CSMD3: variants seen among roughly 807,000 people sequenced by gnomAD.
CSMD3 encodes CUB and Sushi multiple domains 3.
Under a neutral mutation model 435.2 loss-of-function variants are expected in CSMD3, and 177 were observed. That is an observed-to-expected ratio of 0.41 (90% confidence interval 0.36 to 0.46). The LOEUF (loss-of-function observed/expected upper bound fraction) is 0.46, where lower values mean the gene tolerates loss of function less well. Ranked by LOEUF, CSMD3 falls within the 20% of genes least tolerant of loss-of-function variation. The pLI, the probability that CSMD3 is intolerant of heterozygous loss-of-function variation, is 0.34. For synonymous variants in CSMD3, 1,656 were observed against 1,520.5 expected (o/e 1.09, Z -2.07); for missense variants, 4,265 against 4,504.6 (o/e 0.95, Z 1.52).
intron 1 of CSMD3, among the ~76,000 whole-genome samples, chr8:113,339,086 C>G (rs1235101476): frequency 1.3e-5 from 2 of 151,904 alleles, no homozygotes; most frequent in Non-Finnish European, 2.9e-5. Context: ...TATTATGCCT[C>G]AGATTCTTTA....
chr8:112,673,321 C>T (rs2075699857), intron 16 of CSMD3, among the ~76,000 whole-genome samples: 1 of 151,478 alleles, frequency 6.6e-6, no homozygotes, highest in Non-Finnish European at 1.5e-5. Context: ...AAGACAGAAA[C>T]ATGGTAATTA....
rs1586859411 is a variant in CSMD3, at chr8:112,355,502, G to T, written c.6137-2968C>A. Among the ~76,000 whole-genome samples, 4 of 152,196 alleles carry T rather than the reference G, an allele frequency of 2.6e-5. No individual in the cohort carries two copies. The East Asian group carries it at 7.7e-4, about 29-fold the overall frequency. ...AGCTCTAATATCCAGAATGTATAAG[G>T]AACTTAAGTCAACAAGCAAAACACA... On this transcript the variant is annotated intron_variant, in intron 38 of 70. Coordinates refer to ENST00000297405, the MANE Select transcript of CSMD3 (RefSeq NM_198123.2).
At chr8:113,167,944 G>A (rs1032420322) in intron 4 of CSMD3, among the ~76,000 whole-genome samples, 1 of 152,252 alleles carries the variant, frequency 6.6e-6, no homozygotes, top group African/African-American at 2.4e-5. Flanking sequence ...CAAAGTCTGT[G>A]CTAAAACATT....
rs975670708 is a variant in CSMD3, at chr8:112,224,412, CT to C, written c.*358del. 1.1e-3 allele frequency: 332 copies of C among 302,306 alleles called. No homozygotes were observed. Among genetic ancestry groups the C allele is most frequent in the South Asian group, 2.1e-3 (64 of 30,782 alleles). The allele number at this position is 302,306 out of a possible 1,614,324, so 18.7% of individuals were successfully genotyped here. ...TATAGCTCTTATTTCTACCCTATAT[CT>C]TTTTTTTTAAACCCAGTCCCTCTAA... On this transcript the variant is annotated 3_prime_UTR_variant, in exon 71 of 71. Transcript: ENST00000297405.
chr8:112,320,967 A>C (rs972507013), intron 45 of CSMD3, among the ~76,000 whole-genome samples: 1 of 152,112 alleles, frequency 6.6e-6, no homozygotes, highest in Non-Finnish European at 1.5e-5. Context: ...CATTTGGCAT[A>C]ATTGAAAGGC....
chr8:113,256,723 T>C (rs2093383814), intron 3 of CSMD3, among the ~76,000 whole-genome samples: 1 of 152,150 alleles, frequency 6.6e-6, no homozygotes, highest in African/African-American at 2.4e-5. Flanking sequence ...CAATTACAAC[T>C]TTTACTGAAG....
intron 13 of CSMD3, among the ~76,000 whole-genome samples, chr8:112,717,773 G>T (rs2076766147): frequency 6.6e-6 from 1 of 152,146 alleles, no homozygotes; most frequent in South Asian, 2.1e-4. Context: ...GCACATGGAT[G>T]AAGCTGGAAA....
chr8:113,177,312 A>C lies in CSMD3; in HGVS notation c.515-3396T>G, dbSNP rs1588210986. 4.0e-5 allele frequency among the ~76,000 whole-genome samples: 6 copies of C among 151,802 alleles called. No homozygotes were observed. In the Middle Eastern group the frequency reaches 0.017, roughly 436 times the overall value. On this transcript the variant is annotated intron_variant, in intron 3 of 70. Coordinates refer to ENST00000297405, the MANE Select transcript of CSMD3 (RefSeq NM_198123.2). The stretch of plus-strand genomic sequence containing the variant: ...TTAAGGAAAACAGATTTATAAGTAT[A>C]ATGAAGAATTTTTTTGTAATTCATC...
At chr8:112,827,208 A>ATAC (rs2079723237) in intron 12 of CSMD3, among the ~76,000 whole-genome samples, 1 of 60,194 alleles carries the variant, frequency 1.7e-5, no homozygotes, top group African/African-American at 6.1e-5. Flanking sequence ...TATATATATA[A>ATAC]TCTTTCTACC....
chr8:112,410,172 C>T (rs188350646), intron 32 of CSMD3, among the ~76,000 whole-genome samples: 1 of 151,826 alleles, frequency 6.6e-6, no homozygotes, highest in African/African-American at 2.4e-5. Flanking sequence ...GCAAACAAAG[C>T]TATATGTAGT....
At position 112,990,271 on chromosome 8, in the gene CSMD3, C is replaced by T. The variant is rs187217467; in HGVS notation, c.1031-14123G>A. 5.7e-4 allele frequency among the ~76,000 whole-genome samples: 86 copies of T among 152,060 alleles called. 1 individual carries two copies. The highest frequency in any genetic ancestry group is 1.9e-3 in the African/African-American group (78 of 41,524). On this transcript the variant is annotated intron_variant, in intron 6 of 70. Coordinates refer to ENST00000297405, the MANE Select transcript of CSMD3 (RefSeq NM_198123.2). ...TGTCCCAATTTACAAAACTGTGTTA[C>T]GCCATATTGGACCTTCTATGATAGT...
At chr8:113,125,795 T>A (rs921597986) in intron 4 of CSMD3, among the ~76,000 whole-genome samples, 4 of 151,858 alleles carry the variant, frequency 2.6e-5, no homozygotes, top group African/African-American at 7.2e-5. Context: ...TTTGGAGGAC[T>A]GGATAGGGGG....
intron 3 of CSMD3, among the ~76,000 whole-genome samples, chr8:113,205,522 T>A (rs1452924792): frequency 6.6e-6 from 1 of 152,140 alleles, no homozygotes; most frequent in African/African-American, 2.4e-5. Context: ...CGATACCATC[T>A]AGGTTTGTGT....
In CSMD3 at chr8:112,552,632, G is replaced by A. The variant is rs746094690; in HGVS notation, c.4323C>T (p.Cys1441=). 1.7e-5 allele frequency: 27 copies of A among 1,612,118 alleles called. No homozygotes were observed. The Admixed American group carries it at 4.2e-4, about 25-fold the overall frequency. The change falls in exon 26 of 71, where the codon TGC becomes TGT. Residue 1441 remains cysteine (C), a synonymous_variant. Transcript: ENST00000297405. ...CAGGATCTACCTCAATCATCCACAT[G>A]CAACGCAGGTTATTGTCATATGGAA... ...YPFPYDNNLR[C]MWMIEVDPGN... is the part of the protein sequence containing the mutation.
rs59338139 is a variant in CSMD3 at position 112,918,974 on chromosome 8, T to A, written c.1633+2653A>T. On this transcript the variant is annotated intron_variant, in intron 10 of 70. Coordinates refer to ENST00000297405, the MANE Select transcript of CSMD3 (RefSeq NM_198123.2). Reference sequence around the variant, plus strand: ...TACTCTTTGTCCAGACTCACAGTAGTCATTTTAAAACTTCAATTACTATTT... The same window carrying A: ...TACTCTTTGTCCAGACTCACAGTAGACATTTTAAAACTTCAATTACTATTT... 8.3e-3 allele frequency among the ~76,000 whole-genome samples: 1,264 copies of A among 152,042 alleles called. 24 individuals are homozygous for A. The highest frequency in any genetic ancestry group is 0.029 in the African/African-American group (1,209 of 41,542).
chr8:112,971,850 T>G (rs2084669567), intron 7 of CSMD3, among the ~76,000 whole-genome samples: 1 of 152,038 alleles, frequency 6.6e-6, no homozygotes, highest in Non-Finnish European at 1.5e-5. Context: ...TGAGAAAAAG[T>G]AGAAAATAAA....
chr8:112,375,661 A>G (rs1828873228), intron 38 of CSMD3, among the ~76,000 whole-genome samples: 1 of 151,520 alleles, frequency 6.6e-6, no homozygotes, highest in Non-Finnish European at 1.5e-5. Context: ...GTTAAATATT[A>G]ATGATCATAT....
At chr8:112,433,814 G>A (rs1405476906) in intron 32 of CSMD3, among the ~76,000 whole-genome samples, 1 of 151,854 alleles carries the variant, frequency 6.6e-6, no homozygotes, top group East Asian at 1.9e-4. Context: ...TGTATTTAGT[G>A]AGTTAAAAAG....
chr8:112,249,358 AACAGTG>A (rs56836822), intron 63 of CSMD3, among the ~76,000 whole-genome samples: 35,563 of 151,652 alleles, frequency 0.23, 4,269 homozygotes, highest in East Asian at 0.35. Flanking sequence ...ACTTTATGAA[AACAGTG>A]ATAGCTGAGT....
Sources: gnomAD v4.1 joint callset for allele counts (sites outside exome capture counted in the v4.1 genomes callset) on GRCh38, gnomAD v4.1.1 for gene constraint, MANE v1.5 for transcripts, NCBI Gene and HGNC (gene_info 2026-07-23, HGNC 2026-07-21) for gene names.